Variants in NRG2 observed in about 807,000 individuals in gnomAD.
NRG2 encodes the protein neuregulin 2.
NRG2 carries 27 observed loss-of-function variants against 73.9 expected under a neutral mutation model. The observed-to-expected ratio is 0.37, with a 90% CI of 0.27 to 0.50. The LOEUF (loss-of-function observed/expected upper bound fraction) is 0.50. Ranked by LOEUF, NRG2 falls within the 20% of genes least tolerant of loss-of-function variation. The pLI, the probability that NRG2 is intolerant of heterozygous loss-of-function variation, is 0.96. For synonymous variants in NRG2, 532 were observed against 541.0 expected (o/e 0.98, Z 0.23); for missense variants, 1,126 against 1,210.1 (o/e 0.93, Z 1.03).
rs1751153727 is a variant in NRG2 at position 139,915,116 on chromosome 5, T to C, written c.701-27605A>G. Among the ~76,000 whole-genome samples, 1 of 152,246 alleles carries C rather than the reference T, an allele frequency of 6.6e-6. No individual in the cohort carries two copies. The highest frequency in any genetic ancestry group is 1.5e-5 in the Non-Finnish European group (1 of 68,046). ...GGAGAAAAGACCAAATTATAATTAATGGTTTGTTTCCCATTAAGCTTCTTT... is the reference window on the plus strand; with the variant it reads ...GGAGAAAAGACCAAATTATAATTAACGGTTTGTTTCCCATTAAGCTTCTTT... On this transcript the variant is annotated intron_variant, in intron 1 of 9. Coordinates refer to ENST00000361474, the MANE Select transcript of NRG2 (RefSeq NM_004883.3). The surrounding 1 kb of genome is among the most constrained non-coding windows in gnomAD (Gnocchi z 4.0).
At chr5:139,965,127 C>T (rs919973628) in intron 1 of NRG2, among the ~76,000 whole-genome samples, 2 of 152,252 alleles carry the variant, frequency 1.3e-5, no homozygotes, top group African/African-American at 4.8e-5. Flanking sequence ...AGCTCTCCAG[C>T]TTCCCACCTG....
At chr5:139,982,479 T>C (rs112470089) in intron 1 of NRG2, among the ~76,000 whole-genome samples, 21 of 152,266 alleles carry the variant, frequency 1.4e-4, no homozygotes, top group Middle Eastern at 6.8e-3. Flanking sequence ...CCTACAGCAC[T>C]CTTGGCCTGT....
At chr5:139,877,459 C>T (rs1469690720) in intron 3 of NRG2, among the ~76,000 whole-genome samples, 1 of 152,254 alleles carries the variant, frequency 6.6e-6, no homozygotes, top group South Asian at 2.1e-4. Flanking sequence ...GCGGGCCAAA[C>T]CAACCCACCT....
chr5:139,849,710 C>T (rs965720502), intron 9 of NRG2, among the ~76,000 whole-genome samples: 3 of 152,176 alleles, frequency 2.0e-5, no homozygotes, highest in Non-Finnish European at 4.4e-5. Flanking sequence ...TCTGAATCGC[C>T]TGACTCCTCC....
intron 1 of NRG2, among the ~76,000 whole-genome samples, chr5:139,983,622 T>C (rs1756968643): frequency 1.3e-5 from 2 of 152,376 alleles, no homozygotes; most frequent in South Asian, 2.1e-4. Flanking sequence ...TATACTGTTA[T>C]ACTTTCACAG....
chr5:139,881,605 C>A (rs1347721526), intron 2 of NRG2, among the ~76,000 whole-genome samples: 1 of 152,196 alleles, frequency 6.6e-6, no homozygotes, highest in Non-Finnish European at 1.5e-5. Flanking sequence ...CCTTGGGGAA[C>A]AAAAAGATCC....
In NRG2 at chr5:139,865,307, T is replaced by TC; in HGVS notation, c.1189+241dup. 1.2e-6 allele frequency: 1 copy of TC among 807,106 alleles called. No individual in the cohort carries two copies. 50.0% of individuals were successfully genotyped at this position (807,106 alleles called of 1,614,324 possible). ...TTACCATTTGTATTGGCCTTGCCAC[T>TC]CTGCCCCTTACCTGCAGCCCTGAAC... is the stretch of plus-strand genomic sequence containing the variant. On this transcript the variant is annotated intron_variant, in intron 5 of 9. Coordinates refer to ENST00000361474, the MANE Select transcript of NRG2 (RefSeq NM_004883.3). This position sits in a 1 kb window ranked among gnomAD's most constrained non-coding sequence, Gnocchi z 5.2.
At position 139,853,152 on chromosome 5, in the gene NRG2, C is replaced by T; in HGVS notation, c.1293-125G>A. Reference sequence around the variant, plus strand: ...AGGGTGGCCATGGCTACTGCTCGTCCCTGTACTCAAGCTGCCCTACAGCAT... The same window carrying T: ...AGGGTGGCCATGGCTACTGCTCGTCTCTGTACTCAAGCTGCCCTACAGCAT... On this transcript the variant is annotated intron_variant, in intron 6 of 9. Transcript: ENST00000361474. The surrounding 1 kb of genome is among the most constrained non-coding windows in gnomAD (Gnocchi z 4.1). 2 of 1,321,046 alleles carry T rather than the reference C, an allele frequency of 1.5e-6. No individual in the cohort carries two copies. Among genetic ancestry groups the T allele is most frequent in the East Asian group, 2.4e-5 (1 of 42,120 alleles). The allele number at this position is 1,321,046 out of a possible 1,614,324, so 81.8% of individuals were successfully genotyped here.
At chr5:139,883,518 C>T (rs1224331677) in intron 2 of NRG2, among the ~76,000 whole-genome samples, 2 of 152,162 alleles carry the variant, frequency 1.3e-5, no homozygotes. Flanking sequence ...GGAGGGGTCT[C>T]TACAGGTCAA....
intron 1 of NRG2, among the ~76,000 whole-genome samples, chr5:139,920,538 A>G (rs528158557): frequency 6.7e-6 from 1 of 150,236 alleles, no homozygotes; most frequent in East Asian, 2.0e-4. Flanking sequence ...ACCTCTGTGT[A>G]TTGTCTCCCA....
chr5:139,992,435 T>C (rs1448748484), intron 1 of NRG2, among the ~76,000 whole-genome samples: 1 of 152,184 alleles, frequency 6.6e-6, no homozygotes, highest in Non-Finnish European at 1.5e-5. Flanking sequence ...AAAATGACCA[T>C]TTAATTTCCT....
chr5:139,957,356 C>T (rs1754718345), intron 1 of NRG2, among the ~76,000 whole-genome samples: 1 of 147,828 alleles, frequency 6.8e-6, no homozygotes, highest in South Asian at 2.1e-4. Context: ...TGTGTGTGCA[C>T]ATTCATATAA....
At chr5:139,945,768 G>A (rs1753759598) in intron 1 of NRG2, among the ~76,000 whole-genome samples, 1 of 151,814 alleles carries the variant, frequency 6.6e-6, no homozygotes, top group Admixed American at 6.6e-5. Flanking sequence ...ATTCAACAAA[G>A]TTGCAGGATA....
At chr5:139,899,239 T>G (rs1717108542) in intron 1 of NRG2, among the ~76,000 whole-genome samples, 1 of 152,200 alleles carries the variant, frequency 6.6e-6, no homozygotes, top group African/African-American at 2.4e-5. Flanking sequence ...CAGTGATTCT[T>G]AAACATGAGC....
chr5:139,998,299 T>C (rs1758181085), intron 1 of NRG2, among the ~76,000 whole-genome samples: 1 of 152,188 alleles, frequency 6.6e-6, no homozygotes, highest in South Asian at 2.1e-4. Flanking sequence ...GTCAGAATAT[T>C]GTTCTGAACA....
At chr5:139,854,249 G>A (rs1252154286) in intron 6 of NRG2, among the ~76,000 whole-genome samples, 1 of 152,212 alleles carries the variant, frequency 6.6e-6, no homozygotes, top group Non-Finnish European at 1.5e-5. Context: ...CTTTGCGCAT[G>A]CCAGGCCATT....
At chr5:139,952,182 A>G (rs1372290891) in intron 1 of NRG2, among the ~76,000 whole-genome samples, 3 of 152,174 alleles carry the variant, frequency 2.0e-5, no homozygotes, top group Non-Finnish European at 4.4e-5. Flanking sequence ...CATAGTTGGC[A>G]CCCAATAAAT....
intron 1 of NRG2, among the ~76,000 whole-genome samples, chr5:139,970,461 T>C (rs1231647166): frequency 5.9e-5 from 9 of 151,488 alleles, no homozygotes; most frequent in Admixed American, 4.6e-4. Flanking sequence ...CCCTCAAGAG[T>C]GAGCCACTAG....
chr5:139,848,265 C>A lies in NRG2; in HGVS notation c.2205G>T (p.Arg735Ser). ...PRPRARGASR[R>S]TSAGPRRWRR... ...GCCAGCGCCGGGGCCCCGCCGACGT[C>A]CTGCGGGACGCACCGCGCGCGCGCG... Residue 735 changes from arginine (R) to serine (S), a missense_variant, in exon 10 of 10, where the codon AGG (arginine) becomes AGT (serine). By Grantham distance (110) the Arg-to-Ser change is moderately radical. This residue lies in a region of NRG2 where 402 missense variants were observed against 357.8 expected (regional missense o/e 1.12). Transcript: ENST00000361474. 1 of 1,116,948 alleles carries A rather than the reference C, an allele frequency of 9.0e-7. No individual in the cohort carries two copies. The highest frequency in any genetic ancestry group is 1.1e-6 in the Non-Finnish European group (1 of 916,410). The allele number at this position is 1,116,948 out of a possible 1,614,324, so 69.2% of individuals were successfully genotyped here.
Sources: allele counts gnomAD v4.1 joint callset (sites outside exome capture counted in the v4.1 genomes callset), GRCh38; gene constraint gnomAD v4.1.1; regional missense constraint gnomAD v4.1.1; non-coding constraint Gnocchi (gnomAD v3.1); transcripts MANE v1.5; gene names NCBI Gene and HGNC (gene_info 2026-07-23, HGNC 2026-07-21).